Variants in CADPS2 observed in about 807,000 individuals in gnomAD.
CADPS2 encodes the protein calcium-dependent secretion activator 2.
CADPS2 carries 93 observed loss-of-function variants against 172.5 expected under a neutral mutation model. That is an observed-to-expected ratio of 0.54 (90% confidence interval 0.46 to 0.64). The LOEUF (loss-of-function observed/expected upper bound fraction) is 0.64. Among genes scored for constraint, CADPS2 ranks in the 30% least tolerant of loss-of-function variants. CADPS2 has a pLI of 0.00. For synonymous variants in CADPS2, 546 were observed against 555.2 expected, an observed-to-expected ratio of 0.98 and a Z score of 0.23; for missense variants, 1,420 against 1,565.9, an observed-to-expected ratio of 0.91 and a Z score of 1.57.
At position 122,355,969 on chromosome 7, in the gene CADPS2, T is replaced by C. The variant is rs117209148; in HGVS notation, c.3504+4819A>G. Among the ~76,000 whole-genome samples, 1,259 of 152,322 alleles carry C rather than the reference T, an allele frequency of 8.3e-3. 4 individuals are homozygous for C. Among genetic ancestry groups the C allele is most frequent in the Non-Finnish European group, 0.012 (798 of 68,010 alleles). On this transcript the variant is annotated intron_variant, in intron 27 of 29. Coordinates refer to ENST00000449022, the MANE Select transcript of CADPS2 (RefSeq NM_017954.11). ...AAAAATTTTAGATTTACAGAAACAC[T>C]GTGGAAATATTAGTTTCATATAACC...
chr7:122,654,896 G>C (rs187435583), intron 3 of CADPS2, among the ~76,000 whole-genome samples: 1 of 152,170 alleles, frequency 6.6e-6, no homozygotes, highest in Non-Finnish European at 1.5e-5. Flanking sequence ...TGTGATTCAA[G>C]GGAGGAAGTT....
At chr7:122,473,830 C>T (rs2056286070) in intron 13 of CADPS2, among the ~76,000 whole-genome samples, 1 of 152,168 alleles carries the variant, frequency 6.6e-6, no homozygotes, top group Non-Finnish European at 1.5e-5. Flanking sequence ...CAATTTAATT[C>T]ACTCCTTTCC....
At chr7:122,580,175 C>T (rs1053763677) in intron 7 of CADPS2, among the ~76,000 whole-genome samples, 8 of 151,918 alleles carry the variant, frequency 5.3e-5, no homozygotes, top group Non-Finnish European at 1.2e-4. Context: ...TTACAGAGGG[C>T]GGGTGTTGGT....
chr7:122,602,318 C>T (rs1430514241), intron 6 of CADPS2, among the ~76,000 whole-genome samples: 6 of 151,320 alleles, frequency 4.0e-5, no homozygotes, highest in Non-Finnish European at 7.4e-5. Context: ...CTTCATCTTA[C>T]GACCATTGCA....
intron 8 of CADPS2, among the ~76,000 whole-genome samples, chr7:122,517,425 G>A (rs1402281667): frequency 6.6e-6 from 1 of 151,958 alleles, no homozygotes; most frequent in Non-Finnish European, 1.5e-5. Flanking sequence ...CCTAGGAGTG[G>A]GATTGTAGGG....
At chr7:122,496,316 C>T (rs1022389836) in intron 9 of CADPS2, among the ~76,000 whole-genome samples, 6 of 152,048 alleles carry the variant, frequency 3.9e-5, no homozygotes, top group African/African-American at 1.2e-4. Context: ...TGTGCGCTAC[C>T]GTATCTGGCT....
intron 6 of CADPS2, among the ~76,000 whole-genome samples, chr7:122,587,248 C>T (rs561955670): frequency 2.0e-4 from 30 of 151,958 alleles, no homozygotes; most frequent in Non-Finnish European, 3.5e-4. Flanking sequence ...GCTATTTTTC[C>T]TAATACTTTT....
intron 8 of CADPS2, among the ~76,000 whole-genome samples, chr7:122,548,575 C>T (rs1215632666): frequency 1.3e-5 from 2 of 152,096 alleles, no homozygotes; most frequent in African/African-American, 4.8e-5. Flanking sequence ...TGGATCAAAT[C>T]ATACTTATTT....
At chr7:122,423,198 C>A in intron 17 of CADPS2, among the ~76,000 whole-genome samples, 1 of 152,104 alleles carries the variant, frequency 6.6e-6, no homozygotes, top group East Asian at 1.9e-4. Flanking sequence ...TGGTAAGTTA[C>A]ATGGTGCCAA....
intron 17 of CADPS2, among the ~76,000 whole-genome samples, chr7:122,418,265 A>C (rs1435195554): frequency 6.6e-6 from 1 of 152,216 alleles, no homozygotes; most frequent in African/African-American, 2.4e-5. Flanking sequence ...CATTTTCCTA[A>C]CAGCTTTGTT....
At chr7:122,573,384 C>CA (rs756816827) in intron 7 of CADPS2, among the ~76,000 whole-genome samples, 4 of 151,824 alleles carry the variant, frequency 2.6e-5, no homozygotes, top group Non-Finnish European at 5.9e-5. Flanking sequence ...CTATACAAAA[C>CA]AAAAAATTGG....
intron 4 of CADPS2, among the ~76,000 whole-genome samples, chr7:122,625,947 A>G (rs1304010721): frequency 6.6e-6 from 1 of 152,218 alleles, no homozygotes; most frequent in Non-Finnish European, 1.5e-5. Flanking sequence ...GAACCTGACT[A>G]CAGCAGGGAG....
chr7:122,830,341 G>A (rs2140565074), intron 1 of CADPS2, among the ~76,000 whole-genome samples: 1 of 151,934 alleles, frequency 6.6e-6, no homozygotes, highest in South Asian at 2.1e-4. Flanking sequence ...TCCATTCATT[G>A]ACACTGCAAC....
intron 27 of CADPS2, among the ~76,000 whole-genome samples, chr7:122,358,448 C>T (rs2039708261): frequency 6.6e-6 from 1 of 152,000 alleles, no homozygotes; most frequent in South Asian, 2.1e-4. Context: ...TAAGAGTATA[C>T]TTATCAATTT....
chr7:122,570,238 T>C lies in CADPS2; in HGVS notation c.1335+10941A>G, dbSNP rs990867055. ...GTGGGCAAAGGAGATGAACAGACAC[T>C]TCTCAAAAGAAGACATTTATGCAGC... On this transcript the variant is annotated intron_variant, in intron 7 of 29. Coordinates refer to ENST00000449022, the MANE Select transcript of CADPS2 (RefSeq NM_017954.11). 1.8e-4 allele frequency among the ~76,000 whole-genome samples: 27 copies of C among 152,178 alleles called. No homozygotes were observed. The South Asian group carries it at 2.7e-3, about 15-fold the overall frequency.
At chr7:122,474,722 CA>C (rs1431105905) in intron 12 of CADPS2, among the ~76,000 whole-genome samples, 1 of 152,056 alleles carries the variant, frequency 6.6e-6, no homozygotes, top group Non-Finnish European at 1.5e-5. Flanking sequence ...ATCTACAAAT[CA>C]TTCAGAATGC....
At chr7:122,831,208 T>C (rs1430403061) in intron 1 of CADPS2, among the ~76,000 whole-genome samples, 1 of 152,096 alleles carries the variant, frequency 6.6e-6, no homozygotes, top group Non-Finnish European at 1.5e-5. Flanking sequence ...GTCCTTACTG[T>C]AAAAGGGAAA....
chr7:122,636,531 T>G (rs113617206), intron 3 of CADPS2, among the ~76,000 whole-genome samples: 30,380 of 144,520 alleles, frequency 0.21, 3,878 homozygotes, highest in Middle Eastern at 0.31. Flanking sequence ...AATGGTGCAA[T>G]CTTGGCTCAC....
At chr7:122,512,542 G>A (rs1016796400) in intron 9 of CADPS2, among the ~76,000 whole-genome samples, 1 of 152,072 alleles carries the variant, frequency 6.6e-6, no homozygotes, top group Non-Finnish European at 1.5e-5. Context: ...CAAACTGCAT[G>A]TTCTGATAAT....
Sources: gnomAD v4.1 joint callset for allele counts (sites outside exome capture counted in the v4.1 genomes callset) on GRCh38, gnomAD v4.1.1 for gene constraint, MANE v1.5 for transcripts, NCBI Gene and HGNC (gene_info 2026-07-23, HGNC 2026-07-21) for gene names.